The following GLYR1 variants were observed in gnomAD, a reference collection of about 807,000 sequenced individuals.
GLYR1 encodes glyoxylate reductase 1 homolog.
In GLYR1, 21 loss-of-function variants were observed where a neutral mutation model predicts 72.7. The ratio of observed to expected loss-of-function variants is 0.29; its 90% CI spans 0.20 to 0.42. The LOEUF is 0.42. GLYR1 is among the 10% of genes least tolerant of loss of function. GLYR1 has a pLI of 1.00. For synonymous variants in GLYR1, 392 were observed against 270.2 expected (o/e 1.45, Z -4.42); for missense variants, 594 against 712.1 (o/e 0.83, Z 1.89).
At chr16:4,832,944 A>C in intron 3 of GLYR1, 32 bp from the exon 4 acceptor site, 10 of 1,592,978 alleles carry the variant, frequency 6.3e-6, no homozygotes, top group Non-Finnish European at 8.6e-6. Flanking sequence ...AAGGGTGTGA[A>C]CCATATAGCA....
intron 1 of GLYR1, chr16:4,846,607 G>A (rs553644894): frequency 9.6e-5 from 25 of 261,388 alleles, no homozygotes; most frequent in Non-Finnish European, 1.8e-4. Context: ...AACAAGCTAC[G>A]CAGCTCGAGG....
chr16:4,813,314 C>T (rs1247192819), intron 12 of GLYR1, among the ~76,000 whole-genome samples: 1 of 152,164 alleles, frequency 6.6e-6, no homozygotes, highest in African/African-American at 2.4e-5. Flanking sequence ...ATGTCAATGG[C>T]TCGGCTGAAC....
intron 5 of GLYR1, among the ~76,000 whole-genome samples, chr16:4,825,241 C>G (rs1029662445): frequency 8.5e-5 from 13 of 152,192 alleles, no homozygotes; most frequent in African/African-American, 2.9e-4. Context: ...CAGGGAGGGT[C>G]TTGCAAGTTC....
chr16:4,813,601 G>T, intron 12 of GLYR1, 136 bp downstream of exon 12: 3 of 748,724 alleles, frequency 4.0e-6, no homozygotes, highest in Non-Finnish European at 6.9e-6. Flanking sequence ...GGATAGGCTA[G>T]TCCCAAGGCT....
chr16:4,818,113 G>A (rs2083769365), intron 9 of GLYR1, among the ~76,000 whole-genome samples: 1 of 151,850 alleles, frequency 6.6e-6, no homozygotes, highest in Non-Finnish European at 1.5e-5. Context: ...TCCTGCCTCA[G>A]CTTTCTGAGT....
intron 3 of GLYR1, among the ~76,000 whole-genome samples, chr16:4,842,703 CTT>C (rs2085653443): frequency 6.7e-6 from 1 of 149,152 alleles, no homozygotes; most frequent in South Asian, 2.1e-4. Flanking sequence ...TGCACATAAT[CTT>C]TATTTATTTT....
rs568665032 is a variant in GLYR1 at position 4,816,941 on chromosome 16, T to G, written c.906+657A>C. Among the ~76,000 whole-genome samples the G allele has an allele frequency of 4.3e-5, 6 of 138,670 alleles. No individual in the cohort carries two copies. In the South Asian group the frequency reaches 1.5e-3, roughly 36 times the overall value. The allele number at this position is 138,670 out of a possible 152,430, so 91.0% of individuals were successfully genotyped here. A position where few individuals can be genotyped will look rare whatever the true frequency, so the allele number is the denominator to read the frequency against. On this transcript the variant is annotated intron_variant, in intron 10 of 15. Transcript: ENST00000321919. ...GGTGGAGGTTGCAGTGAGCCGAGAT[T>G]GTGCCATTTTTTTTTTTTTTTGAGA...
At chr16:4,807,067 A>G (rs1032741576) in intron 15 of GLYR1, among the ~76,000 whole-genome samples, 5 of 149,540 alleles carry the variant, frequency 3.3e-5, no homozygotes, top group African/African-American at 7.4e-5. Flanking sequence ...CGGCCTCCCA[A>G]AGTGCTGGGA....
chr16:4,810,274 C>G (rs1045206688), intron 15 of GLYR1, among the ~76,000 whole-genome samples: 14 of 126,694 alleles, frequency 1.1e-4, no homozygotes, highest in Admixed American at 3.6e-4. Flanking sequence ...AGGCAGGTGG[C>G]TCTCCTGAGG....
At chr16:4,807,098 G>A (rs367970531) in intron 15 of GLYR1, among the ~76,000 whole-genome samples, 1,652 of 142,922 alleles carry the variant, frequency 0.012, 39 homozygotes, top group African/African-American at 0.04. Context: ...GAGCCACTGC[G>A]CCTGGCCCCT....
chr16:4,843,992 T>C (rs1254871507), intron 3 of GLYR1: 3 of 159,712 alleles, frequency 1.9e-5, no homozygotes, highest in African/African-American at 7.3e-5. Context: ...TGTGCGCCTG[T>C]AGTCCCAGCT....
chr16:4,813,541 GC>G (rs1235746207), intron 12 of GLYR1, among the ~76,000 whole-genome samples, 195 bp downstream of exon 12: 1 of 152,246 alleles, frequency 6.6e-6, no homozygotes. Flanking sequence ...CAGCCATGCA[GC>G]GACTGCCCAT....
chr16:4,837,414 G>A (rs147153950), intron 3 of GLYR1, among the ~76,000 whole-genome samples: 31 of 151,264 alleles, frequency 2.0e-4, no homozygotes, highest in African/African-American at 7.3e-4. Context: ...ATGGGCGACA[G>A]AGCAAGACTT....
chr16:4,823,025 C>G, intron 6 of GLYR1, 94 bp from the exon 7 acceptor site: 1 of 990,752 alleles, frequency 1.0e-6, no homozygotes, highest in Non-Finnish European at 1.6e-6. Flanking sequence ...GGCTGCAACA[C>G]CTCTGGATTC....
At chr16:4,819,416 T>G (rs1348786935) in intron 9 of GLYR1, among the ~76,000 whole-genome samples, 2 of 152,160 alleles carry the variant, frequency 1.3e-5, no homozygotes, top group African/African-American at 2.4e-5. Context: ...CAAGTGATCC[T>G]TCCACCTCAG....
chr16:4,815,150 G>A (rs1306273614), intron 10 of GLYR1, among the ~76,000 whole-genome samples: 1 of 151,884 alleles, frequency 6.6e-6, no homozygotes, highest in Non-Finnish European at 1.5e-5. Flanking sequence ...CTGTCACCCA[G>A]GCTGGAGCAC....
rs551987437 is a variant in GLYR1 at position 4,822,839 on chromosome 16, C to T, written c.681+36G>A. ...GTGGAGGAGCACTCCTTGGCCAGCCCCTGACCAAGGGCCAAGAGCCTCAAA... is the reference window on the plus strand; with the variant it reads ...GTGGAGGAGCACTCCTTGGCCAGCCTCTGACCAAGGGCCAAGAGCCTCAAA... On this transcript the variant is annotated intron_variant, in intron 7 of 15. Coordinates refer to ENST00000321919, the MANE Select transcript of GLYR1 (RefSeq NM_032569.4). 4 of 1,585,144 alleles carry T rather than the reference C, an allele frequency of 2.5e-6. No individual in the cohort carries two copies. The African/African-American group carries it at 5.4e-5, about 21-fold the overall frequency.
intron 3 of GLYR1, among the ~76,000 whole-genome samples, chr16:4,836,102 CTCTG>C (rs1165727195): frequency 6.6e-6 from 1 of 152,122 alleles, no homozygotes; most frequent in Non-Finnish European, 1.5e-5. Flanking sequence ...ACTGGCCTAC[CTCTG>C]TCTTTTTAAT....
At position 4,805,071 on chromosome 16, in the gene GLYR1, G is replaced by T. The variant is rs1288749946; in HGVS notation, c.*165C>A. 1.6e-6 allele frequency: 1 copy of T among 643,538 alleles called. No homozygotes were observed. Among genetic ancestry groups the T allele is most frequent in the Non-Finnish European group, 2.8e-6 (1 of 357,274 alleles). 39.9% of individuals were successfully genotyped at this position (643,538 alleles called of 1,614,324 possible). A position where few individuals can be genotyped will look rare whatever the true frequency, so the allele number is the denominator to read the frequency against. ...TGTCCCCTCCCCACCGGCCTCAGGGGAAGGGTGCTGCTGTGTGCTGTGCTG... is the reference window on the plus strand; with the variant it reads ...TGTCCCCTCCCCACCGGCCTCAGGGTAAGGGTGCTGCTGTGTGCTGTGCTG... On this transcript the variant is annotated 3_prime_UTR_variant, in exon 16 of 16. Coordinates refer to ENST00000321919, the MANE Select transcript of GLYR1 (RefSeq NM_032569.4).
Sources: allele counts gnomAD v4.1 joint callset (sites outside exome capture counted in the v4.1 genomes callset), GRCh38; gene constraint gnomAD v4.1.1; transcripts MANE v1.5; gene names NCBI Gene and HGNC (gene_info 2026-07-23, HGNC 2026-07-21).